EXOC6: variants seen among roughly 807,000 people sequenced by gnomAD.
EXOC6 encodes the protein SEC15-like 1.
EXOC6 carries 60 observed loss-of-function variants against 112.5 expected under a neutral mutation model. The ratio of observed to expected loss-of-function variants is 0.53; its 90% CI spans 0.43 to 0.66. The LOEUF (loss-of-function observed/expected upper bound fraction) is 0.66, where lower values mean the gene tolerates loss of function less well. Among genes scored for constraint, EXOC6 ranks in the 30% least tolerant of loss-of-function variants. The pLI, the probability that EXOC6 is intolerant of heterozygous loss-of-function variation, is 0.00. For synonymous variants in EXOC6, 295 were observed against 308.0 expected (o/e 0.96, Z 0.44); for missense variants, 855 against 957.1 (o/e 0.89, Z 1.41).
At chr10:93,002,523 C>A (rs147728190) in intron 19 of EXOC6, among the ~76,000 whole-genome samples, 1 of 152,260 alleles carries the variant, frequency 6.6e-6, no homozygotes, top group Non-Finnish European at 1.5e-5. Flanking sequence ...TGAGGCCCAG[C>A]AATTTGCTTG....
At chr10:93,025,585 G>A (rs835263) in intron 20 of EXOC6, among the ~76,000 whole-genome samples, 6,413 of 152,156 alleles carry the variant, frequency 0.042, 309 homozygotes, top group African/African-American at 0.12. Context: ...TCAGGATTAG[G>A]TCTTGTTTTC....
At chr10:92,971,291 G>A (rs552441750) in intron 17 of EXOC6, among the ~76,000 whole-genome samples, 4 of 152,152 alleles carry the variant, frequency 2.6e-5, no homozygotes, top group South Asian at 2.1e-4. Context: ...TGATTCACCC[G>A]CCTTGGCCTC....
At chr10:93,029,049 A>G (rs540662594) in intron 20 of EXOC6, among the ~76,000 whole-genome samples, 2 of 152,278 alleles carry the variant, frequency 1.3e-5, no homozygotes, top group South Asian at 2.1e-4. Context: ...AGATATTGGC[A>G]TAGCCACCTC....
At chr10:92,958,463 T>G (rs997175432) in intron 17 of EXOC6, among the ~76,000 whole-genome samples, 1 of 152,246 alleles carries the variant, frequency 6.6e-6, no homozygotes, top group African/African-American at 2.4e-5. Flanking sequence ...AATGCACTTC[T>G]GATTCTTTTT....
intron 6 of EXOC6, among the ~76,000 whole-genome samples, chr10:92,911,502 A>C (rs1850759452): frequency 6.6e-6 from 1 of 152,238 alleles, no homozygotes; most frequent in African/African-American, 2.4e-5. Context: ...TGTCGATATT[A>C]AACTTATCTT....
intron 20 of EXOC6, among the ~76,000 whole-genome samples, chr10:93,037,945 CAGG>C (rs1369159066): frequency 3.8e-4 from 56 of 146,224 alleles, no homozygotes; most frequent in African/African-American, 1.3e-3. Flanking sequence ...AAGGTGGAGG[CAGG>C]AGAATGGCGT....
At chr10:92,941,989 A>C (rs867180839) in intron 13 of EXOC6, among the ~76,000 whole-genome samples, 15 of 152,196 alleles carry the variant, frequency 9.9e-5, no homozygotes, top group Admixed American at 2.6e-4. Context: ...GTAATGTGTC[A>C]ATATTTGATG....
intron 1 of EXOC6, among the ~76,000 whole-genome samples, chr10:92,885,507 G>A (rs1277376688): frequency 1.3e-5 from 2 of 151,890 alleles, no homozygotes; most frequent in African/African-American, 2.4e-5. Flanking sequence ...AGCCTCCCAA[G>A]TAGCTGGGAT....
intron 19 of EXOC6, among the ~76,000 whole-genome samples, chr10:93,010,555 C>T (rs781492632): frequency 3.3e-5 from 5 of 151,716 alleles, no homozygotes; most frequent in Non-Finnish European, 7.4e-5. Flanking sequence ...AAAAATTAGC[C>T]GGGCATGGTG....
chr10:92,900,676 CAG>C (rs1850116360), intron 5 of EXOC6: 2 of 146,278 alleles, frequency 1.4e-5, no homozygotes, highest in African/African-American at 5.0e-5. Context: ...AAAAAAAAAA[CAG>C]ATATCACCTT....
chr10:92,968,864 C>T (rs1221185001), intron 17 of EXOC6, among the ~76,000 whole-genome samples: 1 of 152,010 alleles, frequency 6.6e-6, no homozygotes, highest in Non-Finnish European at 1.5e-5. Flanking sequence ...GGGAATCAGA[C>T]ACCTTCCCAT....
At chr10:92,898,449 C>T (rs571480047) in intron 4 of EXOC6, among the ~76,000 whole-genome samples, 63 of 146,418 alleles carry the variant, frequency 4.3e-4, no homozygotes, top group Non-Finnish European at 7.3e-4. Context: ...AAAAAAATCA[C>T]GGCATAAACA....
At chr10:92,944,603 TA>T (rs1303342459) in intron 13 of EXOC6, among the ~76,000 whole-genome samples, 1 of 152,124 alleles carries the variant, frequency 6.6e-6, no homozygotes, top group Non-Finnish European at 1.5e-5. Context: ...ATAGTAGTTC[TA>T]TTTTTAGTTT....
intron 20 of EXOC6, among the ~76,000 whole-genome samples, chr10:93,025,618 A>AT (rs1326795267): frequency 1.3e-5 from 2 of 152,208 alleles, no homozygotes; most frequent in Non-Finnish European, 2.9e-5. Context: ...TATTTCAAGT[A>AT]TTTTAATTTT....
intron 4 of EXOC6, 22 bp downstream of exon 4, chr10:92,895,042 T>G: frequency 7.1e-7 from 1 of 1,418,382 alleles, no homozygotes; most frequent in Non-Finnish European, 1.0e-6. Context: ...TTGTCTATAA[T>G]AAAACGTTTG....
At chr10:93,029,359 C>T (rs1320211491) in intron 20 of EXOC6, among the ~76,000 whole-genome samples, 6 of 152,056 alleles carry the variant, frequency 3.9e-5, no homozygotes, top group African/African-American at 7.2e-5. Flanking sequence ...ATAGTATCTC[C>T]GAAGTATGCC....
intron 18 of EXOC6, among the ~76,000 whole-genome samples, chr10:92,988,426 G>T (rs1357910677): frequency 6.6e-6 from 1 of 152,036 alleles, no homozygotes; most frequent in Non-Finnish European, 1.5e-5. Flanking sequence ...TCTTCTTTCT[G>T]TTCTTATTCC....
chr10:92,967,323 T>A (rs1842110892), intron 17 of EXOC6, among the ~76,000 whole-genome samples: 1 of 152,096 alleles, frequency 6.6e-6, no homozygotes, highest in Non-Finnish European at 1.5e-5. Flanking sequence ...TCATTTAAAA[T>A]TTTCTTCTTT....
At chr10:92,950,326 G>A (rs1266187962) in intron 14 of EXOC6, among the ~76,000 whole-genome samples, 1 of 151,980 alleles carries the variant, frequency 6.6e-6, no homozygotes, top group Non-Finnish European at 1.5e-5. Flanking sequence ...ATGAATGGAG[G>A]AGTAATAGTA....
Sources: allele counts gnomAD v4.1 joint callset (sites outside exome capture counted in the v4.1 genomes callset), GRCh38; gene constraint gnomAD v4.1.1; transcripts MANE v1.5; gene names NCBI Gene and HGNC (gene_info 2026-07-23, HGNC 2026-07-21).